The following MBOAT1 variants were observed in gnomAD, a reference collection of about 807,000 sequenced individuals.
The protein encoded by MBOAT1 is membrane-bound glycerophospholipid O-acyltransferase 1.
MBOAT1 carries 67 observed loss-of-function variants against 64.4 expected under a neutral mutation model. The ratio of observed to expected loss-of-function variants is 1.04; its 90% CI spans 0.85 to 1.27. The LOEUF (loss-of-function observed/expected upper bound fraction) is 1.27. MBOAT1 is among the 50% of genes most tolerant of loss of function. The pLI is 0.00. For missense variants in MBOAT1, 563 were observed against 604.6 expected (o/e 0.93, Z 0.72); for synonymous variants, 229 against 218.9 (o/e 1.05, Z -0.41).
At chr6:20,202,488 A>T (rs1230700147) in intron 1 of MBOAT1, among the ~76,000 whole-genome samples, 1 of 152,202 alleles carries the variant, frequency 6.6e-6, no homozygotes, top group Non-Finnish European at 1.5e-5. Flanking sequence ...TTTCAAAACC[A>T]TCTCTCAAAT....
intron 1 of MBOAT1, among the ~76,000 whole-genome samples, chr6:20,199,335 T>G (rs915932838): frequency 6.6e-6 from 1 of 152,238 alleles, no homozygotes; most frequent in African/African-American, 2.4e-5. Flanking sequence ...ACTTTGCCCT[T>G]CTTTTAAACT....
At chr6:20,123,433 T>C (rs1204496852) in intron 8 of MBOAT1, among the ~76,000 whole-genome samples, 1 of 152,214 alleles carries the variant, frequency 6.6e-6, no homozygotes, top group African/African-American at 2.4e-5. Flanking sequence ...ATCAACACCC[T>C]TTCCCAGTCT....
intron 1 of MBOAT1, among the ~76,000 whole-genome samples, chr6:20,191,870 C>A (rs1561783274): frequency 6.6e-6 from 1 of 152,192 alleles, no homozygotes; most frequent in South Asian, 2.1e-4. Flanking sequence ...GGTAGAAATA[C>A]TCCCATATGA....
At position 20,133,842 on chromosome 6, in the gene MBOAT1, C is replaced by T. The variant is rs559952125; in HGVS notation, c.420-2643G>A. On this transcript the variant is annotated intron_variant, in intron 4 of 12. Transcript: ENST00000324607. ...CATGTGCTGTGGCCGTAGAATGTACCTCTCAGATCTGGTGCTGTGGGAGTG... is the reference window on the plus strand; with the variant it reads ...CATGTGCTGTGGCCGTAGAATGTACTTCTCAGATCTGGTGCTGTGGGAGTG... Among the ~76,000 whole-genome samples, 26 of 152,200 alleles carry T rather than the reference C, an allele frequency of 1.7e-4. No homozygotes were observed. The South Asian group carries it at 2.9e-3, about 17-fold the overall frequency.
intron 1 of MBOAT1, among the ~76,000 whole-genome samples, chr6:20,167,763 A>G (rs1017319069): frequency 8.5e-5 from 13 of 152,246 alleles, no homozygotes; most frequent in Non-Finnish European, 2.9e-5. Flanking sequence ...TTCTTCTTCT[A>G]TAAAATAGGA....
chr6:20,168,949 AAG>A (rs1336261254), intron 1 of MBOAT1, among the ~76,000 whole-genome samples: 1 of 144,158 alleles, frequency 6.9e-6, no homozygotes, highest in Non-Finnish European at 1.5e-5. Context: ...AGGTCATTTA[AAG>A]AGAGAGAAGA....
chr6:20,140,626 T>C (rs1443847063), intron 4 of MBOAT1, among the ~76,000 whole-genome samples: 1 of 152,194 alleles, frequency 6.6e-6, no homozygotes. Flanking sequence ...TCTCAGGCCT[T>C]TGGACTCTGG....
At position 20,126,707 on chromosome 6, in the gene MBOAT1, A is replaced by C; in HGVS notation, c.531-7T>G. Reference sequence around the variant, plus strand: ...CAAAAAAGAGGGTTTCACTCTGTGAAAATAAAGTAAATAAATTGAAAAGTC... The same window carrying C: ...CAAAAAAGAGGGTTTCACTCTGTGACAATAAAGTAAATAAATTGAAAAGTC... On this transcript the variant is annotated splice_region_variant and splice_polypyrimidine_tract_variant and intron_variant, in intron 6 of 12. Transcript: ENST00000324607. The C allele has an allele frequency of 6.3e-7, 1 of 1,581,098 alleles. No individual in the cohort carries two copies. The highest frequency in any genetic ancestry group is 1.9e-5 in the Admixed American group (1 of 53,160).
chr6:20,113,015 A>G lies in MBOAT1; in HGVS notation c.1077-7T>C, dbSNP rs1315840424. 4.3e-6 allele frequency: 7 copies of G among 1,612,164 alleles called. No homozygotes were observed. In the South Asian group the frequency reaches 7.7e-5, roughly 18 times the overall value. ...AACCCGCTGATAGCACACACTGTGA[A>G]GAGAGGAAGGAACAAGACACAGGTG... On this transcript the variant is annotated splice_region_variant and splice_polypyrimidine_tract_variant and intron_variant, in intron 10 of 12. Coordinates refer to ENST00000324607, the MANE Select transcript of MBOAT1 (RefSeq NM_001080480.3).
At chr6:20,144,971 TGA>T in intron 3 of MBOAT1, among the ~76,000 whole-genome samples, 1 of 152,162 alleles carries the variant, frequency 6.6e-6, no homozygotes, top group East Asian at 1.9e-4. Context: ...GATGTGTTCC[TGA>T]CTGCCTTATA....
intron 1 of MBOAT1, among the ~76,000 whole-genome samples, chr6:20,176,469 C>CCTT (rs111865822): frequency 0.011 from 1,682 of 152,230 alleles, 31 homozygotes; most frequent in African/African-American, 0.039. Flanking sequence ...CCACTACCCA[C>CCTT]CTTCTTCTAG....
intron 11 of MBOAT1, among the ~76,000 whole-genome samples, chr6:20,111,164 C>G (rs1254160037): frequency 6.6e-6 from 1 of 152,190 alleles, no homozygotes; most frequent in Admixed American, 6.5e-5. Flanking sequence ...CTTTGTAGAT[C>G]TTGTGGCACA....
At chr6:20,186,151 C>G (rs1030504579) in intron 1 of MBOAT1, among the ~76,000 whole-genome samples, 1 of 152,168 alleles carries the variant, frequency 6.6e-6, no homozygotes, top group African/African-American at 2.4e-5. Flanking sequence ...CCACTGTACT[C>G]CAGCATGGGT....
chr6:20,154,404 G>A (rs1396657675), intron 1 of MBOAT1, among the ~76,000 whole-genome samples: 1 of 152,064 alleles, frequency 6.6e-6, no homozygotes, highest in Non-Finnish European at 1.5e-5. Context: ...TTGGTGGCGG[G>A]TGCCTGTAAT....
intron 12 of MBOAT1, among the ~76,000 whole-genome samples, chr6:20,108,149 G>A (rs998636909): frequency 3.3e-5 from 5 of 152,182 alleles, no homozygotes; most frequent in Admixed American, 6.5e-5. Context: ...CTGGCAACAC[G>A]TGGCTGTTAA....
At chr6:20,120,759 C>G (rs149668716) in intron 8 of MBOAT1, among the ~76,000 whole-genome samples, 1 of 152,140 alleles carries the variant, frequency 6.6e-6, no homozygotes, top group Non-Finnish European at 1.5e-5. Context: ...GTAAGAGCCA[C>G]GCTGAAAGAG....
chr6:20,104,098 T>A (rs1759882325), intron 12 of MBOAT1, among the ~76,000 whole-genome samples: 1 of 152,364 alleles, frequency 6.6e-6, no homozygotes, highest in African/African-American at 2.4e-5. Context: ...CAGTATTCAG[T>A]ACGGTAACAT....
intron 1 of MBOAT1, among the ~76,000 whole-genome samples, chr6:20,204,911 A>G (rs1389714798): frequency 6.6e-6 from 1 of 152,154 alleles, no homozygotes; most frequent in Non-Finnish European, 1.5e-5. Flanking sequence ...AAATTTGGGG[A>G]ACAGGCTGGG....
rs756133778 is a variant in MBOAT1, at chr6:20,102,311, GA to G, written c.1462del (p.Ser488LeufsTer51). The G allele has an allele frequency of 6.2e-7, 1 of 1,613,888 alleles. No homozygotes were observed. Among genetic ancestry groups the G allele is most frequent in the Non-Finnish European group, 8.5e-7 (1 of 1,179,914 alleles). ...TCAATCTGTTTTTCTCTTATTAATA[GA>G]GTTCAGAGTCTGAGGCCGCCTTTGC... ...HTQRRPQTLN[S>X]INKRKTD is the part of the protein sequence containing the mutation. On this transcript the variant is annotated frameshift_variant, in exon 13 of 13. Transcript: ENST00000324607. LOFTEE classifies it high-confidence loss of function.
Sources: allele counts gnomAD v4.1 joint callset (sites outside exome capture counted in the v4.1 genomes callset), GRCh38; gene constraint gnomAD v4.1.1; transcripts MANE v1.5; gene names NCBI Gene and HGNC (gene_info 2026-07-23, HGNC 2026-07-21).